Variants in NEDD4L observed in about 807,000 individuals in gnomAD.
NEDD4L encodes NEDD4 like E3 ubiquitin protein ligase.
Under a neutral mutation model 148.9 loss-of-function variants are expected in NEDD4L, and 54 were observed. The observed-to-expected ratio is 0.36, with a 90% CI of 0.29 to 0.45. NEDD4L has a LOEUF of 0.45. Among genes scored for constraint, NEDD4L ranks in the 20% least tolerant of loss-of-function variants. The pLI is 1.00. For synonymous variants in NEDD4L, 433 were observed against 440.7 expected (o/e 0.98, Z 0.22); for missense variants, 856 against 1,233.8 (o/e 0.69, Z 4.59).
In NEDD4L at chr18:58,090,311, A is replaced by T. The variant is rs765215560; in HGVS notation, c.48+45603A>T. 4.6e-5 allele frequency among the ~76,000 whole-genome samples: 7 copies of T among 152,164 alleles called. No individual in the cohort carries two copies. In the East Asian group the frequency reaches 1.2e-3, roughly 25 times the overall value. ...GGTTTTACTATAAGTGTAAATTAAC[A>T]TGTGCCTTTGGGGGACCTTAAAAGT... On this transcript the variant is annotated intron_variant, in intron 1 of 30. Transcript: ENST00000400345.
At chr18:58,260,457 C>T (rs2049215107) in intron 5 of NEDD4L, among the ~76,000 whole-genome samples, 2 of 152,218 alleles carry the variant, frequency 1.3e-5, no homozygotes, top group South Asian at 4.1e-4. Flanking sequence ...TTCTGTAGCA[C>T]TTCACAATTT....
At chr18:58,340,849 A>C in intron 13 of NEDD4L, 189 bp from the exon 14 acceptor site, 1 of 595,026 alleles carries the variant, frequency 1.7e-6, no homozygotes, top group Non-Finnish European at 2.8e-6. Context: ...TATGGGGTTC[A>C]TTTCACAGTA....
At chr18:58,186,371 G>T (rs959741956) in intron 2 of NEDD4L, among the ~76,000 whole-genome samples, 2 of 152,224 alleles carry the variant, frequency 1.3e-5, no homozygotes, top group African/African-American at 4.8e-5. Context: ...TTATTGGGCT[G>T]TGTTGAGTTA....
At chr18:58,061,154 A>G (rs1181164567) in intron 1 of NEDD4L, among the ~76,000 whole-genome samples, 1 of 152,212 alleles carries the variant, frequency 6.6e-6, no homozygotes, top group African/African-American at 2.4e-5. Context: ...TACACGGCAC[A>G]GTACAGCTCC....
chr18:58,351,224 G>A, intron 18 of NEDD4L, 179 bp downstream of exon 18: 1 of 974,554 alleles, frequency 1.0e-6, no homozygotes, highest in South Asian at 4.7e-5. Context: ...CCCCAAGTTT[G>A]CTTAAAGTAG....
intron 1 of NEDD4L, among the ~76,000 whole-genome samples, chr18:58,080,968 G>A (rs752710047): frequency 3.3e-5 from 5 of 152,096 alleles, no homozygotes; most frequent in African/African-American, 9.7e-5. Flanking sequence ...TGTGAGGGCC[G>A]GAGTCCTCAG....
intron 1 of NEDD4L, among the ~76,000 whole-genome samples, chr18:58,159,054 G>A (rs2146470175): frequency 6.6e-6 from 1 of 152,256 alleles, no homozygotes; most frequent in South Asian, 2.1e-4. Flanking sequence ...AGGGATTTTA[G>A]GAGGGGGTGG....
chr18:58,362,116 A>G (rs538519429), intron 19 of NEDD4L, among the ~76,000 whole-genome samples: 2 of 152,290 alleles, frequency 1.3e-5, no homozygotes, highest in African/African-American at 4.8e-5. Context: ...ATATCTCAAC[A>G]TTTCCGCCCA....
chr18:58,223,627 C>T (rs1422777888), intron 2 of NEDD4L, among the ~76,000 whole-genome samples: 1 of 152,148 alleles, frequency 6.6e-6, no homozygotes, highest in East Asian at 1.9e-4. Context: ...ATTTTCATAT[C>T]GTTTCTTTCA....
In NEDD4L at chr18:58,325,121, C is replaced by T. The variant is rs202008394; in HGVS notation, c.639C>T (p.Asn213=). 1,061 of 1,614,032 alleles carry T rather than the reference C, an allele frequency of 6.6e-4. 1 individual carries two copies. Among genetic ancestry groups the T allele is most frequent in the Admixed American group, 8.8e-4 (53 of 60,028 alleles). ...ATTTAGGCCGAACTTACTATGTCAA[C>T]CACAACAACCGGACCACTCAGTGGC... is the stretch of plus-strand genomic sequence containing the variant. ...VDNLGRTYYV[N]HNNRTTQWHR... The change falls in exon 9 of 31, where the codon AAC becomes AAT. Residue 213 remains asparagine, a synonymous_variant. Coordinates refer to ENST00000400345, the MANE Select transcript of NEDD4L (RefSeq NM_001144967.3).
At chr18:58,260,124 T>G (rs1407507930) in intron 5 of NEDD4L, among the ~76,000 whole-genome samples, 1 of 152,168 alleles carries the variant, frequency 6.6e-6, no homozygotes, top group Non-Finnish European at 1.5e-5. Context: ...AGATTACTGT[T>G]TCTACCACTG....
In NEDD4L at chr18:58,126,377, G is replaced by A. The variant is rs569592139; in HGVS notation, c.49-39411G>A. On this transcript the variant is annotated intron_variant, in intron 1 of 30. Transcript: ENST00000400345. ...TGATTCTGAATATTTTGCATAAACG[G>A]AATCATACTAGGGGGTCTTTTGCTT... Among the ~76,000 whole-genome samples the A allele has an allele frequency of 5.4e-4, 82 of 152,306 alleles. 1 individual carries two copies. Among genetic ancestry groups the A allele is most frequent in the Non-Finnish European group, 4.3e-4 (29 of 68,040 alleles).
At chr18:58,220,293 C>CT (rs1034958056) in intron 2 of NEDD4L, among the ~76,000 whole-genome samples, 1 of 152,090 alleles carries the variant, frequency 6.6e-6, no homozygotes, top group African/African-American at 2.4e-5. Context: ...GTGGTCCCAG[C>CT]TATTCAGGAG....
At chr18:58,103,251 T>G (rs2084874217) in intron 1 of NEDD4L, among the ~76,000 whole-genome samples, 1 of 130,394 alleles carries the variant, frequency 7.7e-6, no homozygotes, top group African/African-American at 3.7e-5. Context: ...ATATTATATA[T>G]GTGGATATAT....
At chr18:58,212,055 G>A (rs762309484) in intron 2 of NEDD4L, among the ~76,000 whole-genome samples, 1 of 152,174 alleles carries the variant, frequency 6.6e-6, no homozygotes. Context: ...TATAATCTTG[G>A]AGTGAGGGAG....
At chr18:58,336,532 G>T (rs879688630) in intron 13 of NEDD4L, among the ~76,000 whole-genome samples, 75 of 151,424 alleles carry the variant, frequency 5.0e-4, no homozygotes, top group Admixed American at 8.6e-4. Flanking sequence ...AGCTGAGATC[G>T]CACCACTGCT....
chr18:58,107,251 G>A (rs183915755), intron 1 of NEDD4L, among the ~76,000 whole-genome samples: 1 of 152,280 alleles, frequency 6.6e-6, no homozygotes, highest in Non-Finnish European at 1.5e-5. Flanking sequence ...CTGGGGATTA[G>A]GATTTCAATG....
At chr18:58,201,590 C>T (rs1385291194) in intron 2 of NEDD4L, among the ~76,000 whole-genome samples, 1 of 152,116 alleles carries the variant, frequency 6.6e-6, no homozygotes, top group African/African-American at 2.4e-5. Context: ...TAATGTTTCT[C>T]TATATGAGTT....
rs1264412101 is a variant in NEDD4L, at chr18:58,398,071, A to T, written c.*1802A>T. 6.9e-6 allele frequency: 1 copy of T among 145,088 alleles called. No individual in the cohort carries two copies. Among genetic ancestry groups the T allele is most frequent in the Non-Finnish European group, 1.5e-5 (1 of 66,544 alleles). The allele number at this position is 145,088 out of a possible 1,614,324, so 9.0% of individuals were successfully genotyped here. On this transcript the variant is annotated 3_prime_UTR_variant, in exon 31 of 31. Coordinates refer to ENST00000400345, the MANE Select transcript of NEDD4L (RefSeq NM_001144967.3). ...GCCTGAGGTTTCTAAAAGAAGGTAG[A>T]TTTCTACAGAGCTGAGTGTTGGTTC...
Sources: gnomAD v4.1 joint callset for allele counts (sites outside exome capture counted in the v4.1 genomes callset) on GRCh38, gnomAD v4.1.1 for gene constraint, MANE v1.5 for transcripts, NCBI Gene and HGNC (gene_info 2026-07-23, HGNC 2026-07-21) for gene names.